The following ANKS1B variants were observed in gnomAD, a reference collection of about 807,000 sequenced individuals.
The protein encoded by ANKS1B is ankyrin repeat and sterile alpha motif domain-containing protein 1B.
A neutral mutation model predicts 148.3 loss-of-function variants in ANKS1B; 36 were observed. That is an observed-to-expected ratio of 0.24 (90% confidence interval 0.19 to 0.32). The LOEUF (loss-of-function observed/expected upper bound fraction) is 0.32. Ranked by LOEUF, ANKS1B falls within the 10% of genes least tolerant of loss-of-function variation. The pLI, the probability that ANKS1B is intolerant of heterozygous loss-of-function variation, is 1.00. For synonymous variants in ANKS1B, 542 were observed against 560.8 expected, an observed-to-expected ratio of 0.97 and a Z score of 0.47; for missense variants, 1,157 against 1,542.6, an observed-to-expected ratio of 0.75 and a Z score of 4.19.
chr12:98,936,172 T>C (rs916046691), intron 17 of ANKS1B, among the ~76,000 whole-genome samples: 34 of 152,306 alleles, frequency 2.2e-4, no homozygotes, highest in Admixed American at 4.6e-4. Flanking sequence ...ATACCAGTCT[T>C]AGGGAGTAAA....
At chr12:99,640,852 T>C (rs937730230) in intron 9 of ANKS1B, among the ~76,000 whole-genome samples, 1 of 152,208 alleles carries the variant, frequency 6.6e-6, no homozygotes, top group Non-Finnish European at 1.5e-5. Flanking sequence ...CATGGTGCCA[T>C]AAGGAGTCAT....
At chr12:98,950,770 GT>G (rs1432431221) in intron 17 of ANKS1B, among the ~76,000 whole-genome samples, 1 of 151,884 alleles carries the variant, frequency 6.6e-6, no homozygotes, top group African/African-American at 2.4e-5. Context: ...TTCTTTTTTG[GT>G]TTTTGTTTTT....
chr12:98,739,222 C>T (rs2097786878), downstream of ANKS1B, among the ~76,000 whole-genome samples: 1 of 152,188 alleles, frequency 6.6e-6, no homozygotes, highest in Non-Finnish European at 1.5e-5. Flanking sequence ...AGCATCACTT[C>T]AGTTCTGCAT....
chr12:99,136,694 C>A (rs1179756862), intron 15 of ANKS1B, among the ~76,000 whole-genome samples: 1 of 152,110 alleles, frequency 6.6e-6, no homozygotes, highest in Non-Finnish European at 1.5e-5. Context: ...ACCAGAAGGA[C>A]TAAGCACAGA....
intron 17 of ANKS1B, among the ~76,000 whole-genome samples, chr12:98,903,060 CATT>C (rs1277336141): frequency 2.0e-5 from 3 of 152,012 alleles, no homozygotes; most frequent in Non-Finnish European, 4.4e-5. Flanking sequence ...TGATTATGTA[CATT>C]ATTATGATAA....
chr12:99,572,901 A>T (rs2153223617), intron 9 of ANKS1B, among the ~76,000 whole-genome samples: 1 of 152,192 alleles, frequency 6.6e-6, no homozygotes, highest in East Asian at 1.9e-4. Context: ...TCGTGTTTAC[A>T]TTCTTACGGT....
intron 19 of ANKS1B, among the ~76,000 whole-genome samples, chr12:98,827,653 C>T (rs997236483): frequency 2.0e-5 from 3 of 151,990 alleles, no homozygotes; most frequent in African/African-American, 4.8e-5. Flanking sequence ...AAGGGTAAGT[C>T]GTTTTTTAAA....
At chr12:98,769,195 G>A (rs1355960361) in intron 25 of ANKS1B, among the ~76,000 whole-genome samples, 23 of 12,548 alleles carry the variant, frequency 1.8e-3, no homozygotes, top group Non-Finnish European at 3.6e-3. Context: ...TTTTTTTTTT[G>A]CCATTTGGGG....
chr12:99,391,561 C>T (rs1282043693), intron 12 of ANKS1B, among the ~76,000 whole-genome samples: 1 of 152,232 alleles, frequency 6.6e-6, no homozygotes, highest in African/African-American at 2.4e-5. Context: ...GATACTCTCA[C>T]AGCACTTTCT....
chr12:99,484,770 T>TTTG (rs2096464834), intron 10 of ANKS1B, among the ~76,000 whole-genome samples: 4 of 148,550 alleles, frequency 2.7e-5, no homozygotes, highest in Middle Eastern at 3.4e-3. Flanking sequence ...GTGTGTTTTT[T>TTTG]TTTTTTTTTT....
At chr12:99,651,650 C>T (rs1475451575) in intron 9 of ANKS1B, among the ~76,000 whole-genome samples, 7 of 152,142 alleles carry the variant, frequency 4.6e-5, no homozygotes, top group Admixed American at 1.3e-4. Context: ...CAATCTGCTT[C>T]TGATTACAAA....
intron 15 of ANKS1B, among the ~76,000 whole-genome samples, chr12:99,124,691 C>T (rs1381503106): frequency 6.6e-6 from 1 of 151,716 alleles, no homozygotes; most frequent in African/African-American, 2.4e-5. Flanking sequence ...AAGAACTGAG[C>T]CTTTGGGTAA....
rs1052931266 is a variant in ANKS1B at position 98,776,603 on chromosome 12, T to C, written c.3442-3424A>G. Among the ~76,000 whole-genome samples the C allele has an allele frequency of 6.6e-5, 10 of 152,260 alleles. No homozygotes were observed. The East Asian group carries it at 1.7e-3, about 26-fold the overall frequency. Reference sequence around the variant, plus strand: ...AGGATTCTCGGGTCCAGCTAACTCATATGGTGGTTCTGAGAAGGGCGCGTG... The same window carrying C: ...AGGATTCTCGGGTCCAGCTAACTCACATGGTGGTTCTGAGAAGGGCGCGTG... On this transcript the variant is annotated intron_variant, in intron 24 of 26. Transcript: ENST00000683438.
chr12:99,536,271 T>C (rs1321080409), intron 9 of ANKS1B, among the ~76,000 whole-genome samples: 5 of 152,152 alleles, frequency 3.3e-5, no homozygotes, highest in South Asian at 2.1e-4. Context: ...TTGTAACAAA[T>C]GTAGCACTCT....
intron 1 of ANKS1B, among the ~76,000 whole-genome samples, chr12:99,928,275 T>A (rs1044164485): frequency 5.5e-4 from 72 of 131,294 alleles, no homozygotes; most frequent in Non-Finnish European, 6.9e-4. Flanking sequence ...TATTTTATTT[T>A]TTTTTTTTTT....
At chr12:98,841,593 T>A (rs544031265) in intron 17 of ANKS1B, among the ~76,000 whole-genome samples, 215 of 152,248 alleles carry the variant, frequency 1.4e-3, no homozygotes, top group African/African-American at 5.0e-3. Flanking sequence ...TAAAAATGCA[T>A]CCACAGATTT....
intron 9 of ANKS1B, among the ~76,000 whole-genome samples, chr12:99,643,216 T>C (rs984547784): frequency 6.6e-6 from 1 of 152,136 alleles, no homozygotes; most frequent in Middle Eastern, 3.2e-3. Context: ...CCATAAATCT[T>C]AACCCATTAC....
intron 1 of ANKS1B, among the ~76,000 whole-genome samples, chr12:99,957,395 A>G (rs2153828687): frequency 6.6e-6 from 1 of 152,316 alleles, no homozygotes; most frequent in Non-Finnish European, 1.5e-5. Flanking sequence ...TAAGAGCACG[A>G]GCTTACCACT....
chr12:98,941,686 G>A (rs2099836983), intron 17 of ANKS1B, among the ~76,000 whole-genome samples: 4 of 152,170 alleles, frequency 2.6e-5, no homozygotes, highest in African/African-American at 7.2e-5. Flanking sequence ...TCGTGGTAGC[G>A]GGACTATGGT....
Sources: gnomAD v4.1 joint callset for allele counts (sites outside exome capture counted in the v4.1 genomes callset) on GRCh38, gnomAD v4.1.1 for gene constraint, MANE v1.5 for transcripts, NCBI Gene and HGNC (gene_info 2026-07-23, HGNC 2026-07-21) for gene names.